The following BRI3BP variants were observed in gnomAD, a reference collection of about 807,000 sequenced individuals.
BRI3BP encodes the protein BRI3-binding protein.
BRI3BP carries 7 observed loss-of-function variants against 15.8 expected under a neutral mutation model. The ratio of observed to expected loss-of-function variants is 0.44; its 90% CI spans 0.25 to 0.83. The LOEUF is 0.83. Among genes scored for constraint, BRI3BP ranks in the 40% least tolerant of loss-of-function variants. The probability of loss-of-function intolerance (pLI) is 0.20; values close to 1 mark genes in which losing one functional copy is unlikely to be tolerated. For missense variants in BRI3BP, 320 were observed against 339.3 expected (o/e 0.94, Z 0.45); for synonymous variants, 192 against 163.5 (o/e 1.17, Z -1.33).
At chr12:125,019,758 C>T (rs1955280331) in intron 2 of BRI3BP, among the ~76,000 whole-genome samples, 1 of 150,032 alleles carries the variant, frequency 6.7e-6, no homozygotes. Context: ...GATTTGGGGG[C>T]CAGGTCTCCT....
At chr12:125,008,299 CTTTTTTTTTTTT>C (rs55697100) in intron 1 of BRI3BP, among the ~76,000 whole-genome samples, 1 of 99,944 alleles carries the variant, frequency 1.0e-5, no homozygotes, top group Non-Finnish European at 1.8e-5. Flanking sequence ...CCTCTTCTTT[CTTTTTTTTTTTT>C]TTTTTTTTTT....
At chr12:125,020,168 A>ACT (rs542987918) in intron 2 of BRI3BP, among the ~76,000 whole-genome samples, 1 of 151,612 alleles carries the variant, frequency 6.6e-6, no homozygotes, top group East Asian at 1.9e-4. Context: ...CTGGTCTCGA[A>ACT]CTCCTGACTT....
chr12:125,032,580 C>T (rs143922941), downstream of BRI3BP, among the ~76,000 whole-genome samples: 24 of 152,304 alleles, frequency 1.6e-4, 1 homozygote, highest in East Asian at 2.9e-3. Context: ...CCAGCCTGGG[C>T]AACATAGTGA....
At chr12:125,008,486 G>C (rs1955168648) in intron 1 of BRI3BP, among the ~76,000 whole-genome samples, 1 of 151,582 alleles carries the variant, frequency 6.6e-6, no homozygotes, top group Admixed American at 6.6e-5. Flanking sequence ...CTAATTTTTT[G>C]TATTTTTAGT....
chr12:125,025,773 G>T lies in BRI3BP; in HGVS notation c.*343G>T. The T allele has an allele frequency of 2.8e-5, 5 of 180,310 alleles. No individual in the cohort carries two copies. The highest frequency in any genetic ancestry group is 1.4e-4 in the East Asian group (1 of 6,932). The allele number at this position is 180,310 out of a possible 1,614,324, so 11.2% of individuals were successfully genotyped here. ...AGCATTTAAATACATCTTTTGTAAG[G>T]TTTTTTAATAAAGGCAGATTGAGTC... On this transcript the variant is annotated 3_prime_UTR_variant, in exon 3 of 3. Transcript: ENST00000341446.
At chr12:125,002,904 G>A (rs997420854) in intron 1 of BRI3BP, among the ~76,000 whole-genome samples, 4 of 152,224 alleles carry the variant, frequency 2.6e-5, no homozygotes, top group African/African-American at 9.6e-5. Flanking sequence ...GGGGCTCGTG[G>A]TGTCTGTTTG....
chr12:125,040,830 G>C, the BRI3BP span, among the ~76,000 whole-genome samples: 3 of 145,460 alleles, frequency 2.1e-5, no homozygotes, highest in Admixed American at 6.9e-5. Flanking sequence ...TCCCAGATTC[G>C]AGTGAGTCTC....
chr12:125,046,164 CA>C, the BRI3BP span, among the ~76,000 whole-genome samples: 58 of 134,396 alleles, frequency 4.3e-4, no homozygotes, highest in Admixed American at 6.7e-4. Flanking sequence ...GACTTTGTCT[CA>C]AAAAAAAAAA....
Position 125,025,327 on chromosome 12 carries a change from C to T in BRI3BP, c.653C>T (p.Pro218Leu). 1 of 1,613,588 alleles carries T rather than the reference C, an allele frequency of 6.2e-7. No homozygotes were observed. The change falls in exon 3 of 3, where the codon CCC (proline) becomes CTC (leucine). Residue 218 changes from proline (P) to leucine (L), a missense_variant. Transcript: ENST00000341446. The stretch of plus-strand genomic sequence containing the variant: ...AGCGGCCCCAGCAACCCCAGCAACC[C>T]CAGCGTGGAGGAGAAGCTGGAGCAC... Reference protein sequence around the residue: ...SPSGPSNPSNPSVEEKLEHLE... With the variant: ...SPSGPSNPSNLSVEEKLEHLE...
the BRI3BP span, among the ~76,000 whole-genome samples, chr12:125,050,349 CA>C: frequency 0.011 from 960 of 86,674 alleles, 13 homozygotes; most frequent in South Asian, 0.076. Context: ...GACTCCGTCT[CA>C]AAAAAAAAAA....
At chr12:125,035,376 C>T (rs1008573804), downstream of BRI3BP, among the ~76,000 whole-genome samples, 8 of 150,046 alleles carry the variant, frequency 5.3e-5, no homozygotes, top group African/African-American at 2.0e-4. Flanking sequence ...AAAACATTCA[C>T]TTACTAATAG....
At chr12:125,023,683 A>T (rs1233320273) in intron 2 of BRI3BP, among the ~76,000 whole-genome samples, 2 of 152,148 alleles carry the variant, frequency 1.3e-5, no homozygotes, top group East Asian at 3.9e-4. Flanking sequence ...AGTAGCTGGG[A>T]CTACAGGTGT....
At position 125,025,238 on chromosome 12, in the gene BRI3BP, G is replaced by A. The variant is rs1374567931; in HGVS notation, c.564G>A (p.Leu188=). ...EGEPENAVLP[L]CFVVAVYFMT... ...AGCCGGAGAACGCGGTGCTGCCGCT[G>A]TGCTTCGTGGTGGCCGTCTACTTCA... The change falls in exon 3 of 3, where the codon CTG becomes CTA. Residue 188 remains leucine (L), a synonymous_variant. Transcript: ENST00000341446. The A allele has an allele frequency of 3.1e-6, 5 of 1,614,122 alleles. No individual in the cohort carries two copies. Among genetic ancestry groups the A allele is most frequent in the East Asian group, 2.2e-5 (1 of 44,886 alleles).
the BRI3BP span, among the ~76,000 whole-genome samples, chr12:125,045,419 C>T: frequency 6.6e-6 from 1 of 152,124 alleles, no homozygotes. Context: ...CTCACTGCAA[C>T]CTCCGCCTCC....
At chr12:124,994,375 C>G (rs893388580) in intron 1 of BRI3BP, among the ~76,000 whole-genome samples, 4 of 152,150 alleles carry the variant, frequency 2.6e-5, no homozygotes, top group African/African-American at 9.7e-5. Flanking sequence ...GCTCTCGGTC[C>G]CCACGCGGCT....
At chr12:125,038,829 C>G in the BRI3BP span, among the ~76,000 whole-genome samples, 1 of 151,974 alleles carries the variant, frequency 6.6e-6, no homozygotes, top group East Asian at 1.9e-4. Flanking sequence ...TTGGCTCACG[C>G]CTGTAATCCC....
At chr12:125,047,462 C>T in the BRI3BP span, among the ~76,000 whole-genome samples, 1 of 150,912 alleles carries the variant, frequency 6.6e-6, no homozygotes, top group African/African-American at 2.4e-5. Flanking sequence ...CGTGAGCCAC[C>T]GCACCCGGCC....
chr12:125,000,051 G>T (rs1594526681), intron 1 of BRI3BP, among the ~76,000 whole-genome samples: 1 of 87,108 alleles, frequency 1.1e-5, no homozygotes, highest in Non-Finnish European at 2.3e-5. Context: ...CTATTGAGCT[G>T]TTGGGTTCTT....
chr12:125,010,819 T>C (rs11835987), intron 1 of BRI3BP, among the ~76,000 whole-genome samples: 20,958 of 148,026 alleles, frequency 0.14, 1,535 homozygotes, highest in Admixed American at 0.17. Context: ...GCTGCCCGGG[T>C]GTGGTGGCTC....
Sources: gnomAD v4.1 joint callset for allele counts (sites outside exome capture counted in the v4.1 genomes callset) on GRCh38, gnomAD v4.1.1 for gene constraint, MANE v1.5 for transcripts, NCBI Gene and HGNC (gene_info 2026-07-23, HGNC 2026-07-21) for gene names.